Variants in STRN observed in about 807,000 individuals in gnomAD.
The protein encoded by STRN is protein phosphatase 2 regulatory subunit B'''alpha.
In STRN, 53 loss-of-function variants were observed where a neutral mutation model predicts 96.3. The observed-to-expected ratio is 0.55, with a 90% CI of 0.44 to 0.69. The LOEUF (loss-of-function observed/expected upper bound fraction) is 0.69. STRN is among the 30% of genes least tolerant of loss of function. STRN has a pLI of 0.00. For synonymous variants in STRN, 428 were observed against 355.9 expected (o/e 1.20, Z -2.28); for missense variants, 987 against 963.9 (o/e 1.02, Z -0.32).
chr2:36,865,130 G>T (rs955743390), intron 12 of STRN, among the ~76,000 whole-genome samples: 1 of 152,212 alleles, frequency 6.6e-6, no homozygotes, highest in African/African-American at 2.4e-5. Flanking sequence ...TTGTTGGTAA[G>T]CTTTTTATTA....
At position 36,957,744 on chromosome 2, in the gene STRN, C is replaced by CTTT. The variant is rs1159531782; in HGVS notation, c.234+8483_234+8485dup. Among the ~76,000 whole-genome samples, 740 of 89,180 alleles carry CTTT rather than the reference C, an allele frequency of 8.3e-3. 178 individuals carry two copies. In the East Asian group the frequency reaches 0.15, roughly 18 times the overall value. The allele number at this position is 89,180 out of a possible 152,430, so 58.5% of individuals were successfully genotyped here. Reference sequence around the variant, plus strand: ...TTAGTCTCATAGTTCTTCTTTTTGTCTTTTTTTTTTTTTTTTTTTTTTTTT... The same window carrying CTTT: ...TTAGTCTCATAGTTCTTCTTTTTGTCTTTTTTTTTTTTTTTTTTTTTTTTTTTT... On this transcript the variant is annotated intron_variant, in intron 1 of 17. Coordinates refer to ENST00000263918, the MANE Select transcript of STRN (RefSeq NM_003162.4).
chr2:36,887,561 G>A (rs1288062122), intron 7 of STRN, among the ~76,000 whole-genome samples: 1 of 152,012 alleles, frequency 6.6e-6, no homozygotes, highest in Non-Finnish European at 1.5e-5. Context: ...TTTATGTGAT[G>A]AGAGAAAATT....
chr2:36,921,430 G>T (rs969964479), intron 2 of STRN, among the ~76,000 whole-genome samples: 1 of 151,856 alleles, frequency 6.6e-6, no homozygotes, highest in Non-Finnish European at 1.5e-5. Context: ...CCCAATACTT[G>T]TTCTATCAAC....
intron 2 of STRN, among the ~76,000 whole-genome samples, chr2:36,917,043 A>AT (rs1470768872): frequency 6.1e-4 from 87 of 143,630 alleles, no homozygotes; most frequent in African/African-American, 2.3e-3. Context: ...AGAATGATCA[A>AT]TAAAAAAATA....
In STRN at chr2:36,877,955, T is replaced by C; in HGVS notation, c.1259A>G (p.Glu420Gly). The C allele has an allele frequency of 6.2e-7, 1 of 1,614,194 alleles. No homozygotes were observed. Among genetic ancestry groups the C allele is most frequent in the Non-Finnish European group, 8.5e-7 (1 of 1,180,028 alleles). ...GCCTGCTAGTTCTCCAAGTCCCAGTTCACTTTCAAGGGCTTCATCTGCTCC... is the reference window on the plus strand; with the variant it reads ...GCCTGCTAGTTCTCCAAGTCCCAGTCCACTTTCAAGGGCTTCATCTGCTCC... ...IMGADEALES[E>G]LGLGELAGLT... Residue 420 changes from glutamate to glycine, a missense_variant, in exon 10 of 18, where the codon GAA (glutamate) becomes GGA (glycine). Coordinates refer to ENST00000263918, the MANE Select transcript of STRN (RefSeq NM_003162.4).
At chr2:36,906,506 A>C (rs1244492470) in intron 3 of STRN, among the ~76,000 whole-genome samples, 3 of 124,134 alleles carry the variant, frequency 2.4e-5, no homozygotes, top group Admixed American at 1.6e-4. Flanking sequence ...ACAAATAAAT[A>C]ATTTTTTTAA....
At position 36,849,715 on chromosome 2, in the gene STRN, G is replaced by A. The variant is rs1191787361; in HGVS notation, c.2172C>T (p.Gly724=). ...ATAATCCATAGTTGAGGTACTTACTGCCAGACATCAAGTAAAGGCCATTGG... is the reference window on the plus strand; with the variant it reads ...ATAATCCATAGTTGAGGTACTTACTACCAGACATCAAGTAAAGGCCATTGG... ...VDPNGLYLMS[G]SHDCSIRLWN... The change falls in exon 17 of 18, where the codon GGC becomes GGT. Residue 724 remains glycine, a splice_region_variant and synonymous_variant. Coordinates refer to ENST00000263918, the MANE Select transcript of STRN (RefSeq NM_003162.4). The A allele has an allele frequency of 3.7e-6, 6 of 1,614,066 alleles. No individual in the cohort carries two copies. Among genetic ancestry groups the A allele is most frequent in the Non-Finnish European group, 5.1e-6 (6 of 1,179,968 alleles).
chr2:36,887,712 A>G (rs1669278468), intron 7 of STRN, among the ~76,000 whole-genome samples: 2 of 152,228 alleles, frequency 1.3e-5, no homozygotes, highest in South Asian at 4.1e-4. Flanking sequence ...ATCAACCTTC[A>G]TTTAAAATTT....
chr2:36,925,118 G>A lies in STRN; in HGVS notation c.325C>T (p.Leu109Phe). The change falls in exon 2 of 18, where the codon CTT (leucine) becomes TTT (phenylalanine). Residue 109 changes from leucine to phenylalanine, a missense_variant. Physicochemically the swap from Leu to Phe is conservative, Grantham distance 22 (BLOSUM62 0). Transcript: ENST00000263918. ...TTACTGAATTACCTTTCCTGTTTAA[G>A]AGCATACTCCAACATTTTGATCCTC... Reference protein sequence around the residue: ...VRRIKMLEYALKQERAKYHKL... With the variant: ...VRRIKMLEYAFKQERAKYHKL... 1 of 1,611,510 alleles carries A rather than the reference G, an allele frequency of 6.2e-7. No homozygotes were observed.
intron 6 of STRN, among the ~76,000 whole-genome samples, chr2:36,897,564 T>C (rs1007282988): frequency 6.6e-6 from 1 of 151,442 alleles, no homozygotes; most frequent in Admixed American, 6.6e-5. Flanking sequence ...GCCTCCCGAG[T>C]AGCTGGGACT....
At chr2:36,902,270 A>C (rs562025684) in intron 5 of STRN, among the ~76,000 whole-genome samples, 1 of 152,306 alleles carries the variant, frequency 6.6e-6, no homozygotes, top group South Asian at 2.1e-4. Context: ...CAATCATGAA[A>C]CGTCATTCTT....
intron 5 of STRN, among the ~76,000 whole-genome samples, chr2:36,901,045 T>A (rs1211849750): frequency 6.6e-6 from 1 of 152,072 alleles, no homozygotes; most frequent in East Asian, 1.9e-4. Context: ...GACAAAATTT[T>A]CAAAAGAGAT....
chr2:36,929,227 A>G (rs1224333084), intron 1 of STRN, among the ~76,000 whole-genome samples: 2 of 152,220 alleles, frequency 1.3e-5, no homozygotes, highest in Non-Finnish European at 2.9e-5. Context: ...GACAAAAAGA[A>G]AATTTATTTT....
At position 36,964,176 on chromosome 2, in the gene STRN, G is replaced by T. The variant is rs528025539; in HGVS notation, c.234+2054C>A. On this transcript the variant is annotated intron_variant, in intron 1 of 17. Transcript: ENST00000263918. ...GTTTAAACGAGGAGAGGGAGTGAAC[G>T]GGGCGGGGCGGGGGGAAGGATGGGT... 2.7e-4 allele frequency among the ~76,000 whole-genome samples: 27 copies of T among 100,722 alleles called. 1 individual carries two copies. The East Asian group carries it at 8.7e-3, about 32-fold the overall frequency. 66.1% of individuals were successfully genotyped at this position (100,722 alleles called of 152,430 possible).
intron 1 of STRN, among the ~76,000 whole-genome samples, chr2:36,951,319 T>G (rs553007845): frequency 4.6e-5 from 7 of 152,346 alleles, no homozygotes; most frequent in Admixed American, 2.6e-4. Context: ...TTATGAAGCC[T>G]GTGGCATCCC....
chr2:36,886,062 AT>A (rs1669219579), intron 8 of STRN, among the ~76,000 whole-genome samples: 1 of 152,154 alleles, frequency 6.6e-6, no homozygotes, highest in Non-Finnish European at 1.5e-5. Flanking sequence ...AACATATATG[AT>A]TCACAGGGCT....
intron 1 of STRN, among the ~76,000 whole-genome samples, chr2:36,934,006 G>A (rs1670640035): frequency 6.6e-6 from 1 of 152,126 alleles, no homozygotes; most frequent in African/African-American, 2.4e-5. Flanking sequence ...CAGCTACTCT[G>A]GAGGCTGAGG....
Position 36,885,363 on chromosome 2 carries a change from T to A in STRN, c.1043-1288A>T, listed in dbSNP as rs1392293314. On this transcript the variant is annotated intron_variant, in intron 8 of 17. Coordinates refer to ENST00000263918, the MANE Select transcript of STRN (RefSeq NM_003162.4). ...TAATCTGGAAATTATTTCTCACATA[T>A]GACATTCAAATTTTCCTCAAAATTT... is the stretch of plus-strand genomic sequence containing the variant. Among the ~76,000 whole-genome samples, 8 of 152,302 alleles carry A rather than the reference T, an allele frequency of 5.3e-5. No individual in the cohort carries two copies. The East Asian group carries it at 9.6e-4, about 18-fold the overall frequency.
intron 1 of STRN, among the ~76,000 whole-genome samples, chr2:36,955,516 A>C (rs1344123234): frequency 6.6e-6 from 1 of 152,156 alleles, no homozygotes; most frequent in African/African-American, 2.4e-5. Context: ...AGAACAGGTT[A>C]ATGTGTGCAG....
Sources: gnomAD v4.1 joint callset for allele counts (sites outside exome capture counted in the v4.1 genomes callset) on GRCh38, gnomAD v4.1.1 for gene constraint, MANE v1.5 for transcripts, NCBI Gene and HGNC (gene_info 2026-07-23, HGNC 2026-07-21) for gene names.